Variants in HFE observed in about 807,000 individuals in gnomAD.
The protein encoded by HFE is hereditary hemochromatosis protein.
In HFE, 36 loss-of-function variants were observed where a neutral mutation model predicts 40.9. That is an observed-to-expected ratio of 0.88 (90% CI 0.67 to 1.16). The LOEUF is 1.16. HFE is among the 50% of genes most tolerant of loss of function. The probability of loss-of-function intolerance (pLI) is 0.00; values close to 1 mark genes in which losing one functional copy is unlikely to be tolerated. For missense variants in HFE, 376 were observed against 432.0 expected (o/e 0.87, Z 1.15); for synonymous variants, 157 against 165.4 (o/e 0.95, Z 0.39).
Position 26,091,508 on chromosome 6 carries a change from A to G in HFE, c.535A>G (p.Asn179Asp). 1 of 1,614,144 alleles carries G rather than the reference A, an allele frequency of 6.2e-7. No individual in the cohort carries two copies. Among genetic ancestry groups the G allele is most frequent in the Non-Finnish European group, 8.5e-7 (1 of 1,180,006 alleles). ...AAGGCACAAGATTCGGGCCAGGCAGAACAGGGCCTACCTGGAGAGGGACTG... is the reference window on the plus strand; with the variant it reads ...AAGGCACAAGATTCGGGCCAGGCAGGACAGGGCCTACCTGGAGAGGGACTG... ...WERHKIRARQNRAYLERDCPA... is the reference protein window; with the variant it reads ...WERHKIRARQDRAYLERDCPA... Residue 179 changes from asparagine to aspartate, a missense_variant, in exon 3 of 6, where the codon AAC becomes GAC. Asn to Asp is a conservative substitution (Grantham distance 23). This residue lies in a region of HFE where 200 missense variants were observed against 228.5 expected (regional missense o/e 0.88). Coordinates refer to ENST00000357618, the MANE Select transcript of HFE (RefSeq NM_000410.4).
At chr6:26,091,694 T>C in intron 3 of HFE, 105 bp downstream of exon 3, 1 of 1,198,754 alleles carries the variant, frequency 8.3e-7, no homozygotes, top group Non-Finnish European at 1.2e-6. Context: ...TGAGGCTGTG[T>C]GCCTCTCCAA....
chr6:26,092,678 T>C lies in HFE; in HGVS notation c.617-7T>C. Reference sequence around the variant, plus strand: ...CCCTCTCCTCATCCTTCCTCTTTCCTGTCAAGTGCCTCCTTTGGTGAAGGT... The same window carrying C: ...CCCTCTCCTCATCCTTCCTCTTTCCCGTCAAGTGCCTCCTTTGGTGAAGGT... On this transcript the variant is annotated splice_polypyrimidine_tract_variant and splice_region_variant and intron_variant, in intron 3 of 5. Coordinates refer to ENST00000357618, the MANE Select transcript of HFE (RefSeq NM_000410.4). 2 of 1,614,194 alleles carry C rather than the reference T, an allele frequency of 1.2e-6. No individual in the cohort carries two copies. The highest frequency in any genetic ancestry group is 1.1e-5 in the South Asian group (1 of 91,088).
intron 1 of HFE, among the ~76,000 whole-genome samples, chr6:26,089,220 T>C (rs1328657327): frequency 6.6e-6 from 1 of 152,024 alleles, no homozygotes. Context: ...TCCCCCAGTC[T>C]TGACAACCAA....
In HFE at chr6:26,097,476, C is replaced by G. The variant is rs1375990201; in HGVS notation, c.*3250C>G. 6.6e-6 allele frequency: 1 copy of G among 152,122 alleles called. No individual in the cohort carries two copies. Among genetic ancestry groups the G allele is most frequent in the Non-Finnish European group, 1.5e-5 (1 of 68,038 alleles). The allele number at this position is 152,122 out of a possible 1,614,324, so 9.4% of individuals were successfully genotyped here. ...TAAAGAGAAGGGTGACACCTGGTGG[C>G]CATAGGTAAATGTACCACGGTGGTC... is the stretch of plus-strand genomic sequence containing the variant. On this transcript the variant is annotated 3_prime_UTR_variant, in exon 6 of 6. Transcript: ENST00000357618.
chr6:26,096,448 A>AAT lies in HFE; in HGVS notation c.*2231_*2232dup. The AAT allele has an allele frequency of 2.2e-6, 1 of 456,100 alleles. No homozygotes were observed. Among genetic ancestry groups the AAT allele is most frequent in the Non-Finnish European group, 4.4e-6 (1 of 226,762 alleles). 28.3% of individuals were successfully genotyped at this position (456,100 alleles called of 1,614,324 possible). A position where few individuals can be genotyped will look rare whatever the true frequency, so the allele number is the denominator to read the frequency against. ...CCTGCCCAGCCGTCAAAAGAGTCTT[A>AAT]ATATATATATCCAGATGGCATGTGT... On this transcript the variant is annotated 3_prime_UTR_variant, in exon 6 of 6. Transcript: ENST00000357618.
Position 26,087,534 on chromosome 6 carries a change from G to A in HFE, c.76+18G>A. The A allele has an allele frequency of 6.2e-7, 1 of 1,604,224 alleles. No homozygotes were observed. The highest frequency in any genetic ancestry group is 8.5e-7 in the Non-Finnish European group (1 of 1,171,802). On this transcript the variant is annotated intron_variant, in intron 1 of 5. Transcript: ENST00000357618. ...CTTGCTGCGTGAGTCCGAGGGCTGC[G>A]GGCGAACTAGGGGCGCGGCGGGGGT... is the stretch of plus-strand genomic sequence containing the variant.
chr6:26,092,765 C>G lies in HFE; in HGVS notation c.697C>G (p.Gln233Glu). ...GTGTCGGGCCTTGAACTACTACCCC[C>G]AGAACATCACCATGAAGTGGCTGAA... Reference protein sequence around the residue: ...LRCRALNYYPQNITMKWLKDK... With the variant: ...LRCRALNYYPENITMKWLKDK... The change falls in exon 4 of 6, where the codon CAG (glutamine) becomes GAG (glutamate). Residue 233 changes from glutamine (Q) to glutamate (E), a missense_variant. Physicochemically the swap from Gln to Glu is conservative, Grantham distance 29 (BLOSUM62 2). Transcript: ENST00000357618. 1 of 1,614,208 alleles carries G rather than the reference C, an allele frequency of 6.2e-7. No homozygotes were observed. Among genetic ancestry groups the G allele is most frequent in the South Asian group, 1.1e-5 (1 of 91,086 alleles).
At position 26,096,976 on chromosome 6, in the gene HFE, T is replaced by C. The variant is rs1246626687; in HGVS notation, c.*2750T>C. On this transcript the variant is annotated 3_prime_UTR_variant, in exon 6 of 6. Coordinates refer to ENST00000357618, the MANE Select transcript of HFE (RefSeq NM_000410.4). ...TCAACTGTGGTAGCCGAATTAATCGTGTTTCTTCACTCTAGGGACATTGTC... is the reference window on the plus strand; with the variant it reads ...TCAACTGTGGTAGCCGAATTAATCGCGTTTCTTCACTCTAGGGACATTGTC... The C allele has an allele frequency of 9.1e-6, 2 of 218,602 alleles. No individual in the cohort carries two copies. Among genetic ancestry groups the C allele is most frequent in the African/African-American group, 2.4e-5 (1 of 42,026 alleles). The allele number at this position is 218,602 out of a possible 1,614,324, so 13.5% of individuals were successfully genotyped here.
chr6:26,092,718 C>T lies in HFE; in HGVS notation c.650C>T (p.Thr217Ile), dbSNP rs4986950. The T allele has an allele frequency of 4.3e-5, 70 of 1,614,114 alleles. No homozygotes were observed. The South Asian group carries it at 7.1e-4, about 16-fold the overall frequency. The change falls in exon 4 of 6, where the codon ACC (threonine) becomes ATC (isoleucine). Residue 217 changes from threonine to isoleucine, a missense_variant. Coordinates refer to ENST00000357618, the MANE Select transcript of HFE (RefSeq NM_000410.4). ...TTGGTGAAGGTGACACATCATGTGA[C>T]CTCTTCAGTGACCACTCTACGGTGT... ...PPLVKVTHHVTSSVTTLRCRA... is the reference protein window; with the variant it reads ...PPLVKVTHHVISSVTTLRCRA...
Position 26,094,787 on chromosome 6 carries a change from C to A in HFE, c.*561C>A. Reference sequence around the variant, plus strand: ...TCTGATTGTGATGTGAGTTGCACAGCTATGAAGGCTGTACACTGCACGAAT... The same window carrying A: ...TCTGATTGTGATGTGAGTTGCACAGATATGAAGGCTGTACACTGCACGAAT... On this transcript the variant is annotated 3_prime_UTR_variant, in exon 6 of 6. Transcript: ENST00000357618. The A allele has an allele frequency of 2.8e-6, 1 of 360,894 alleles. No homozygotes were observed. The highest frequency in any genetic ancestry group is 5.2e-6 in the Non-Finnish European group (1 of 191,480). The allele number at this position is 360,894 out of a possible 1,614,324, so 22.4% of individuals were successfully genotyped here. A position where few individuals can be genotyped will look rare whatever the true frequency, so the allele number is the denominator to read the frequency against.
Position 26,096,932 on chromosome 6 carries a change from T to A in HFE, c.*2706T>A, listed in dbSNP as rs1763064382. 4.6e-6 allele frequency: 1 copy of A among 216,682 alleles called. No homozygotes were observed. The highest frequency in any genetic ancestry group is 9.3e-6 in the Non-Finnish European group (1 of 107,124). 13.4% of individuals were successfully genotyped at this position (216,682 alleles called of 1,614,324 possible). A position where few individuals can be genotyped will look rare whatever the true frequency, so the allele number is the denominator to read the frequency against. ...TTGCTTCTAATTTCTTTACATTTTG[T>A]CTTACGGAATATTTTCATTCAACTG... On this transcript the variant is annotated 3_prime_UTR_variant, in exon 6 of 6. Coordinates refer to ENST00000357618, the MANE Select transcript of HFE (RefSeq NM_000410.4).
chr6:26,093,043 G>A, intron 4 of HFE, 76 bp from the exon 5 acceptor site: 1 of 1,613,902 alleles, frequency 6.2e-7, no homozygotes, highest in Non-Finnish European at 8.5e-7. Flanking sequence ...ATGGCAGTGA[G>A]ATGAGGATCT....
At position 26,091,590 on chromosome 6, in the gene HFE, G is replaced by T. The variant is rs773443949; in HGVS notation, c.616+1G>T. On this transcript the variant is annotated splice_donor_variant, in intron 3 of 5. Coordinates refer to ENST00000357618, the MANE Select transcript of HFE (RefSeq NM_000410.4). LOFTEE classifies it high-confidence loss of function. Reference sequence around the variant, plus strand: ...GGGAGAGGTGTTTTGGACCAACAAGGTATGGTGGAAACACACTTCTGCCCC... The same window carrying T: ...GGGAGAGGTGTTTTGGACCAACAAGTTATGGTGGAAACACACTTCTGCCCC... 1.6e-5 allele frequency: 26 copies of T among 1,612,630 alleles called. No individual in the cohort carries two copies. Among genetic ancestry groups the T allele is most frequent in the Non-Finnish European group, 2.1e-5 (25 of 1,179,866 alleles).
rs750836160 is a variant in HFE at position 26,091,047 on chromosome 6, G to C, written c.283G>C (p.Asp95His). The C allele has an allele frequency of 2.5e-6, 4 of 1,614,174 alleles. No homozygotes were observed. The highest frequency in any genetic ancestry group is 2.2e-5 in the South Asian group (2 of 91,080). Residue 95 changes from aspartate (D) to histidine (H), a missense_variant, in exon 2 of 6, where the codon GAT becomes CAT. This residue lies in a region of HFE where 200 missense variants were observed against 228.5 expected (regional missense o/e 0.88). Coordinates refer to ENST00000357618, the MANE Select transcript of HFE (RefSeq NM_000410.4). ...GCTGAGTCAGAGTCTGAAAGGGTGG[G>C]ATCACATGTTCACTGTTGACTTCTG... The part of the protein sequence containing the change: ...LQLSQSLKGW[D>H]HMFTVDFWTI...
At chr6:26,091,214 G>A in intron 2 of HFE, 100 bp from the exon 3 acceptor site, 3 of 1,603,364 alleles carry the variant, frequency 1.9e-6, no homozygotes, top group Non-Finnish European at 2.6e-6. Context: ...GCAGGGAAGA[G>A]GGAAGGAATT....
In HFE at chr6:26,091,422, C is replaced by A; in HGVS notation, c.449C>A (p.Pro150His). The A allele has an allele frequency of 6.2e-7, 1 of 1,614,198 alleles. No homozygotes were observed. ...YDGQDHLEFC[P>H]DTLDWRAAEP... ...GGGCAGGACCACCTTGAATTCTGCC[C>A]TGACACACTGGATTGGAGAGCAGCA... is the stretch of plus-strand genomic sequence containing the variant. The change falls in exon 3 of 6, where the codon CCT becomes CAT. Residue 150 changes from proline to histidine, a missense_variant. Coordinates refer to ENST00000357618, the MANE Select transcript of HFE (RefSeq NM_000410.4).
rs1243640503 is a variant in HFE at position 26,098,285 on chromosome 6, T to C, written c.*4059T>C. 3.9e-5 allele frequency: 6 copies of C among 152,322 alleles called. No homozygotes were observed. Among genetic ancestry groups the C allele is most frequent in the Non-Finnish European group, 5.9e-5 (4 of 68,008 alleles). The allele number at this position is 152,322 out of a possible 1,614,324, so 9.4% of individuals were successfully genotyped here. A position where few individuals can be genotyped will look rare whatever the true frequency, so the allele number is the denominator to read the frequency against. ...ATGGTGGATTTGGAGTTGATACTTA[T>C]ATATTTTCTATTTCTTGGATGGATG... On this transcript the variant is annotated 3_prime_UTR_variant, in exon 6 of 6. Coordinates refer to ENST00000357618, the MANE Select transcript of HFE (RefSeq NM_000410.4).
chr6:26,093,066 G>A (rs1005321343), intron 4 of HFE, 53 bp from the exon 5 acceptor site: 148 of 1,613,556 alleles, frequency 9.2e-5, no homozygotes, highest in Non-Finnish European at 1.1e-4. Context: ...TCTTTGTTAG[G>A]GGGTGGGCTG....
intron 5 of HFE, 100 bp from the exon 6 acceptor site, chr6:26,094,086 C>T: frequency 8.7e-7 from 1 of 1,155,486 alleles, no homozygotes; most frequent in Non-Finnish European, 1.3e-6. Flanking sequence ...GTGCCCAGGT[C>T]TAAATTGAGA....
Sources: allele counts gnomAD v4.1 joint callset (sites outside exome capture counted in the v4.1 genomes callset), GRCh38; gene constraint gnomAD v4.1.1; regional missense constraint gnomAD v4.1.1; transcripts MANE v1.5; gene names NCBI Gene and HGNC (gene_info 2026-07-23, HGNC 2026-07-21).